Variants in TEK observed in about 807,000 individuals in gnomAD.
TEK encodes TEK receptor tyrosine kinase.
In TEK, 43 loss-of-function variants were observed where a neutral mutation model predicts 131.8. That is an observed-to-expected ratio of 0.33 (90% confidence interval 0.26 to 0.42). TEK has a LOEUF of 0.42. Among genes scored for constraint, TEK ranks in the 10% least tolerant of loss-of-function variants. The probability of loss-of-function intolerance (pLI) is 1.00; values close to 1 mark genes in which losing one functional copy is unlikely to be tolerated. For missense variants in TEK, 1,162 were observed against 1,384.4 expected, an observed-to-expected ratio of 0.84 and a Z score of 2.55; for synonymous variants, 580 against 491.6, an observed-to-expected ratio of 1.18 and a Z score of -2.38.
chr9:27,171,202 TAGAA>T (rs1823942893), intron 4 of TEK, among the ~76,000 whole-genome samples: 1 of 152,266 alleles, frequency 6.6e-6, no homozygotes, highest in African/African-American at 2.4e-5. Context: ...ACTTCACAAA[TAGAA>T]AGAAAATGAT....
At chr9:27,182,281 G>T (rs986580262) in intron 7 of TEK, among the ~76,000 whole-genome samples, 2 of 152,140 alleles carry the variant, frequency 1.3e-5, no homozygotes, top group Non-Finnish European at 2.9e-5. Context: ...CTTTAGCCCA[G>T]CACATCCACC....
chr9:27,142,612 G>A (rs1050606562), intron 1 of TEK, among the ~76,000 whole-genome samples: 2 of 152,252 alleles, frequency 1.3e-5, no homozygotes. Flanking sequence ...AGTCTTACAT[G>A]TGGTCCAGAG....
At chr9:27,218,182 G>A (rs959612530) in intron 19 of TEK, among the ~76,000 whole-genome samples, 4 of 151,408 alleles carry the variant, frequency 2.6e-5, no homozygotes, top group African/African-American at 9.7e-5. Context: ...GAGGCTGGCG[G>A]TGAAAGGAAG....
intron 13 of TEK, among the ~76,000 whole-genome samples, 175 bp downstream of exon 13, chr9:27,203,294 C>T (rs1347587022): frequency 6.6e-6 from 1 of 152,096 alleles, no homozygotes; most frequent in African/African-American, 2.4e-5. Context: ...CCTGTTGGTC[C>T]GTTTTCTATT....
chr9:27,229,267 A>C lies in TEK; in HGVS notation c.*35A>C, dbSNP rs750696969. The C allele has an allele frequency of 2.5e-6, 4 of 1,601,554 alleles. No homozygotes were observed. The highest frequency in any genetic ancestry group is 3.4e-6 in the Non-Finnish European group (4 of 1,168,842). ...TCTGTATACCCTCTGTTTCCCTTTC[A>C]CTGGCATGGGAGACCCTTGACACCT... On this transcript the variant is annotated 3_prime_UTR_variant, in exon 23 of 23. Transcript: ENST00000380036.
intron 1 of TEK, among the ~76,000 whole-genome samples, chr9:27,151,561 A>G (rs1333607072): frequency 6.6e-6 from 1 of 152,136 alleles, no homozygotes; most frequent in African/African-American, 2.4e-5. Context: ...AAAAGTCCAC[A>G]AACCCTCCTT....
chr9:27,152,821 C>G (rs886623342), intron 1 of TEK, among the ~76,000 whole-genome samples: 1 of 152,066 alleles, frequency 6.6e-6, no homozygotes, highest in Non-Finnish European at 1.5e-5. Flanking sequence ...TTGATTCAGG[C>G]CCACAATAAT....
At chr9:27,193,554 G>A (rs1288540394) in intron 11 of TEK, among the ~76,000 whole-genome samples, 2 of 152,110 alleles carry the variant, frequency 1.3e-5, no homozygotes, top group South Asian at 4.2e-4. Context: ...CTGTTACCCA[G>A]GTACCCTCCA....
chr9:27,163,134 A>AT (rs1195347306), intron 2 of TEK, among the ~76,000 whole-genome samples: 1 of 152,196 alleles, frequency 6.6e-6, no homozygotes, highest in African/African-American at 2.4e-5. Context: ...TATATATCAG[A>AT]TGAGGACTTT....
At chr9:27,191,869 GT>G (rs1209945650) in intron 10 of TEK, 1 of 448,056 alleles carries the variant, frequency 2.2e-6, no homozygotes, top group Admixed American at 2.5e-5. Flanking sequence ...ACACATCCCA[GT>G]TTTTTTTCTT....
At chr9:27,116,786 A>G (rs1821576606) in intron 1 of TEK, among the ~76,000 whole-genome samples, 1 of 152,168 alleles carries the variant, frequency 6.6e-6, no homozygotes, top group South Asian at 2.1e-4. Context: ...AGGAGCTGAC[A>G]GGAGAAGCAA....
At chr9:27,124,879 A>G (rs1005749581) in intron 1 of TEK, among the ~76,000 whole-genome samples, 1 of 152,204 alleles carries the variant, frequency 6.6e-6, no homozygotes, top group Non-Finnish European at 1.5e-5. Flanking sequence ...CTATCCCACC[A>G]GAGTGGCTAT....
chr9:27,221,999 G>T (rs1297758711), intron 21 of TEK, among the ~76,000 whole-genome samples: 2 of 152,208 alleles, frequency 1.3e-5, no homozygotes, highest in Admixed American at 6.5e-5. Context: ...TTGAAAAAAG[G>T]TTAGATGAAT....
In TEK at chr9:27,184,404, C is replaced by T. The variant is rs185586681; in HGVS notation, c.1182+794C>T. ...TTTTTAATCTAAAAATTTAGAAATA[C>T]TTATTATCCTATTTTTCTATCAAAG... On this transcript the variant is annotated intron_variant, in intron 8 of 22. Transcript: ENST00000380036. 3.5e-3 allele frequency among the ~76,000 whole-genome samples: 528 copies of T among 152,166 alleles called. 2 individuals are homozygous for T. Among genetic ancestry groups the T allele is most frequent in the Non-Finnish European group, 5.9e-3 (404 of 67,998 alleles).
At chr9:27,196,340 ATTG>A (rs1167138810) in intron 11 of TEK, among the ~76,000 whole-genome samples, 5 of 152,110 alleles carry the variant, frequency 3.3e-5, no homozygotes, top group Non-Finnish European at 5.9e-5. Context: ...GTTTCTTCCA[ATTG>A]TTTGCTGTTA....
At position 27,213,605 on chromosome 9, in the gene TEK, C is replaced by T. The variant is rs1208050558; in HGVS notation, c.2991+8C>T. The T allele has an allele frequency of 1.3e-6, 2 of 1,594,642 alleles. No homozygotes were observed. Among genetic ancestry groups the T allele is most frequent in the Non-Finnish European group, 1.7e-6 (2 of 1,162,494 alleles). ...TATGTGAAAAAGACAATGGTAAGTG[C>T]CAGACACAGACACTGATCGCATCCT... On this transcript the variant is annotated splice_region_variant and intron_variant, in intron 18 of 22. Transcript: ENST00000380036.
rs771967628 is a variant in TEK, at chr9:27,169,760, C to G, written c.628+131C>G. The G allele has an allele frequency of 2.4e-6, 3 of 1,266,332 alleles. No homozygotes were observed. In the South Asian group the frequency reaches 3.7e-5, roughly 16 times the overall value. The allele number at this position is 1,266,332 out of a possible 1,614,324, so 78.4% of individuals were successfully genotyped here. ...GGCATTGGTTGGAGGTTGTATTAGT[C>G]TGTTCTTATGCTGCAAAGCAAATGA... On this transcript the variant is annotated intron_variant, in intron 4 of 22. Transcript: ENST00000380036.
At chr9:27,136,099 T>TTTTTTTTTG (rs1554689021) in intron 1 of TEK, among the ~76,000 whole-genome samples, 1 of 151,392 alleles carries the variant, frequency 6.6e-6, no homozygotes, top group Non-Finnish European at 1.5e-5. Flanking sequence ...TTTTTTTTTT[T>TTTTTTTTTG]GAGATGGAGT....
At chr9:27,131,465 C>G (rs1822217241) in intron 1 of TEK, among the ~76,000 whole-genome samples, 1 of 118,448 alleles carries the variant, frequency 8.4e-6, no homozygotes, top group Non-Finnish European at 1.7e-5. Context: ...GGTAACAGGA[C>G]AAGACCCTGT....
Sources: gnomAD v4.1 joint callset for allele counts (sites outside exome capture counted in the v4.1 genomes callset) on GRCh38, gnomAD v4.1.1 for gene constraint, MANE v1.5 for transcripts, NCBI Gene and HGNC (gene_info 2026-07-23, HGNC 2026-07-21) for gene names.